Variants in SLC26A4 observed in about 807,000 individuals in gnomAD.
The protein encoded by SLC26A4 is solute carrier family 26 member 4.
SLC26A4 carries 93 observed loss-of-function variants against 90.4 expected under a neutral mutation model. That is an observed-to-expected ratio of 1.03 (90% confidence interval 0.87 to 1.22). The LOEUF (loss-of-function observed/expected upper bound fraction) is 1.22. Ranked by LOEUF, SLC26A4 falls within the 50% of genes most tolerant of loss-of-function variation. The pLI is 0.00. For missense variants in SLC26A4, 1,127 were observed against 946.2 expected, an observed-to-expected ratio of 1.19 and a Z score of -2.51; for synonymous variants, 393 against 354.6, an observed-to-expected ratio of 1.11 and a Z score of -1.22.
Position 107,661,351 on chromosome 7 carries a change from G to T in SLC26A4, c.-3-288G>T. The T allele has an allele frequency of 1.9e-6, 1 of 539,006 alleles. No individual in the cohort carries two copies. 33.4% of individuals were successfully genotyped at this position (539,006 alleles called of 1,614,324 possible). ...CCATAGGGGACTGGGTGGAACTCGG[G>T]AAGCCCCCAGAGCAGGGGCTTACTC... On this transcript the variant is annotated intron_variant, in intron 1 of 20. Transcript: ENST00000644269. This position sits in a 1 kb window ranked among gnomAD's most constrained non-coding sequence, Gnocchi z 5.1.
At chr7:107,695,228 G>A (rs142951483) in intron 12 of SLC26A4, among the ~76,000 whole-genome samples, 6 of 152,098 alleles carry the variant, frequency 3.9e-5, no homozygotes, top group South Asian at 2.1e-4. Context: ...AAGACAAATC[G>A]TTAAGTGAAA....
chr7:107,710,878 T>A (rs1403957206), intron 19 of SLC26A4, among the ~76,000 whole-genome samples: 1 of 152,174 alleles, frequency 6.6e-6, no homozygotes, highest in African/African-American at 2.4e-5. Context: ...TTTCTCATAG[T>A]GAATTTAGGA....
At chr7:107,708,402 T>C (rs533772126) in intron 18 of SLC26A4, among the ~76,000 whole-genome samples, 2 of 152,220 alleles carry the variant, frequency 1.3e-5, no homozygotes, top group Non-Finnish European at 2.9e-5. Context: ...AAAATTACTC[T>C]CTTTTCAATT....
intron 3 of SLC26A4, among the ~76,000 whole-genome samples, chr7:107,664,107 G>A (rs1170411367): frequency 1.3e-5 from 2 of 151,746 alleles, no homozygotes; most frequent in African/African-American, 4.8e-5. Context: ...AAGTTCCTGT[G>A]AAATATTTAT....
At chr7:107,694,104 G>A (rs1261846539) in intron 10 of SLC26A4, among the ~76,000 whole-genome samples, 13 of 152,246 alleles carry the variant, frequency 8.5e-5, no homozygotes, top group South Asian at 2.1e-4. Flanking sequence ...AATGGACGCC[G>A]AAACCGCAGG....
At chr7:107,689,299 T>G in intron 9 of SLC26A4, 99 bp downstream of exon 9, 1 of 1,274,366 alleles carries the variant, frequency 7.8e-7, no homozygotes, top group Non-Finnish European at 1.1e-6. Flanking sequence ...AGGGGTTGGA[T>G]TCTTTCACCA....
chr7:107,707,425 T>A (rs1792063949), intron 18 of SLC26A4, among the ~76,000 whole-genome samples: 1 of 152,174 alleles, frequency 6.6e-6, no homozygotes. Context: ...ATATAACTCT[T>A]TGAAGTCACA....
chr7:107,681,776 T>G (rs1791236185), intron 6 of SLC26A4, among the ~76,000 whole-genome samples: 1 of 152,068 alleles, frequency 6.6e-6, no homozygotes, highest in Non-Finnish European at 1.5e-5. Flanking sequence ...TTGAATTGAT[T>G]CATCTGTCTA....
At chr7:107,710,289 TTGA>T in intron 19 of SLC26A4, 90 bp downstream of exon 19, 1 of 1,011,862 alleles carries the variant, frequency 9.9e-7, no homozygotes, top group South Asian at 1.3e-5. Flanking sequence ...AGTCTAGCTG[TTGA>T]ATTTTAAGCT....
intron 3 of SLC26A4, among the ~76,000 whole-genome samples, chr7:107,667,130 A>G (rs540409220): frequency 2.0e-5 from 3 of 152,220 alleles, no homozygotes; most frequent in African/African-American, 4.8e-5. Flanking sequence ...TTCCTTTTGG[A>G]TATGCTAAGT....
At chr7:107,699,943 A>T (rs1187623403) in intron 14 of SLC26A4, 140 bp from the exon 15 acceptor site, 2 of 628,682 alleles carry the variant, frequency 3.2e-6, no homozygotes, top group Non-Finnish European at 5.7e-6. Flanking sequence ...AAAAAAAAAA[A>T]GAAAAGAAAG....
In SLC26A4 at chr7:107,706,303, C is replaced by A. The variant is rs994922103; in HGVS notation, c.2089+1918C>A. Among the ~76,000 whole-genome samples the A allele has an allele frequency of 1.7e-4, 26 of 152,136 alleles. 1 individual carries two copies. Among genetic ancestry groups the A allele is most frequent in the African/African-American group, 6.3e-4 (26 of 41,428 alleles). On this transcript the variant is annotated intron_variant, in intron 18 of 20. Transcript: ENST00000644269. ...CTCCTTTCAAATTTGCTTTGCCAAG[C>A]CTGGCGAGGTATTGCTTGCCTGTGA...
At chr7:107,679,197 C>T (rs1419641968) in intron 6 of SLC26A4, among the ~76,000 whole-genome samples, 1 of 152,162 alleles carries the variant, frequency 6.6e-6, no homozygotes, top group Non-Finnish European at 1.5e-5. Flanking sequence ...TCCCAGTCCA[C>T]TTAGGGGTTG....
At chr7:107,700,029 T>A in intron 14 of SLC26A4, 54 bp from the exon 15 acceptor site, 1 of 1,056,370 alleles carries the variant, frequency 9.5e-7, no homozygotes, top group Non-Finnish European at 1.5e-6. Flanking sequence ...GAAATGTAAT[T>A]AAATACTTGA....
At chr7:107,665,042 T>A (rs1790671323) in intron 3 of SLC26A4, among the ~76,000 whole-genome samples, 1 of 152,056 alleles carries the variant, frequency 6.6e-6, no homozygotes, top group Admixed American at 6.6e-5. Context: ...GAGTGCAAAT[T>A]ACTTGCTAAG....
intron 6 of SLC26A4, 50 bp downstream of exon 6, chr7:107,675,159 C>A (rs752708912): frequency 2.6e-6 from 4 of 1,562,184 alleles, no homozygotes; most frequent in Non-Finnish European, 3.5e-6. Flanking sequence ...ATTCCAGAAA[C>A]AATTGTATTC....
At chr7:107,666,464 T>A (rs572921793) in intron 3 of SLC26A4, among the ~76,000 whole-genome samples, 2 of 152,282 alleles carry the variant, frequency 1.3e-5, no homozygotes, top group East Asian at 3.9e-4. Flanking sequence ...TCAAGTTATC[T>A]GCCTGCCTCG....
rs1285780072 is a variant in SLC26A4 at position 107,694,552 on chromosome 7, G to T, written c.1342-69G>T. 5 of 1,521,000 alleles carry T rather than the reference G, an allele frequency of 3.3e-6. No individual in the cohort carries two copies. The African/African-American group carries it at 5.5e-5, about 17-fold the overall frequency. 94.2% of individuals were successfully genotyped at this position (1,521,000 alleles called of 1,614,324 possible). A position where few individuals can be genotyped will look rare whatever the true frequency, so the allele number is the denominator to read the frequency against. On this transcript the variant is annotated intron_variant, in intron 11 of 20. Coordinates refer to ENST00000644269, the MANE Select transcript of SLC26A4 (RefSeq NM_000441.2). The stretch of plus-strand genomic sequence containing the variant: ...TACTCTGCTACCAGATAAATAACAG[G>T]AGATTTAACAATCATCACATGGAAA...
chr7:107,694,661 T>C lies in SLC26A4; in HGVS notation c.1382T>C (p.Met461Thr). ...GTTGTAATTGCCAACCTGAAAGGGA[T>C]GTTTATGCAGCTGTGTGACATTCCT... ...AAVVIANLKG[M>T]FMQLCDIPRL... Residue 461 changes from methionine (M) to threonine (T), a missense_variant, in exon 12 of 21, where the codon ATG becomes ACG. Physicochemically the swap from Met to Thr is moderately conservative, Grantham distance 81. Transcript: ENST00000644269. 2.5e-6 allele frequency: 4 copies of C among 1,613,828 alleles called. No individual in the cohort carries two copies. The highest frequency in any genetic ancestry group is 3.4e-6 in the Non-Finnish European group (4 of 1,179,742).
Sources: allele counts gnomAD v4.1 joint callset (sites outside exome capture counted in the v4.1 genomes callset), GRCh38; gene constraint gnomAD v4.1.1; non-coding constraint Gnocchi (gnomAD v3.1); transcripts MANE v1.5; gene names NCBI Gene and HGNC (gene_info 2026-07-23, HGNC 2026-07-21).